The following RAD21L1 variants were observed in gnomAD, a reference collection of about 807,000 sequenced individuals.
The protein encoded by RAD21L1 is RAD21 cohesin complex component like 1.
RAD21L1 carries 47 observed loss-of-function variants against 69.0 expected under a neutral mutation model. That is an observed-to-expected ratio of 0.68 (90% CI 0.54 to 0.87). The LOEUF (loss-of-function observed/expected upper bound fraction) is 0.87, where lower values mean the gene tolerates loss of function less well. Among genes scored for constraint, RAD21L1 ranks in the 40% least tolerant of loss-of-function variants. The probability of loss-of-function intolerance (pLI) is 0.00; values close to 1 mark genes in which losing one functional copy is unlikely to be tolerated. For missense variants in RAD21L1, 583 were observed against 647.6 expected (o/e 0.90, Z 1.08); for synonymous variants, 177 against 205.8 (o/e 0.86, Z 1.20).
At chr20:1,227,294 CACAG>C (rs1968722639) in intron 1 of RAD21L1, among the ~76,000 whole-genome samples, 1 of 152,216 alleles carries the variant, frequency 6.6e-6, no homozygotes, top group South Asian at 2.1e-4. Context: ...GAGCGAAACA[CACAG>C]ACTAAAAAGG....
chr20:1,249,047 T>C (rs554673985), intron 13 of RAD21L1, among the ~76,000 whole-genome samples: 2 of 152,286 alleles, frequency 1.3e-5, no homozygotes, highest in East Asian at 1.9e-4. Flanking sequence ...ATTTAATTTA[T>C]ATTTTTATCA....
intron 13 of RAD21L1, among the ~76,000 whole-genome samples, chr20:1,252,858 A>G (rs986050628): frequency 2.0e-5 from 3 of 152,088 alleles, no homozygotes; most frequent in Admixed American, 2.0e-4. Flanking sequence ...TAAGTCAGTT[A>G]TGTCTTCCAC....
At chr20:1,232,782 G>A (rs1401533317) in intron 4 of RAD21L1, among the ~76,000 whole-genome samples, 1 of 152,120 alleles carries the variant, frequency 6.6e-6, no homozygotes, top group African/African-American at 2.4e-5. Flanking sequence ...AACCTTCAAG[G>A]TGATGGTATT....
At chr20:1,248,566 A>C in intron 12 of RAD21L1, 60 bp from the exon 13 acceptor site, 1 of 959,410 alleles carries the variant, frequency 1.0e-6, no homozygotes, top group Non-Finnish European at 1.6e-6. Flanking sequence ...TATGATGGGC[A>C]AATAGTCAGC....
chr20:1,226,731 A>G lies in RAD21L1; in HGVS notation c.-33+591A>G, dbSNP rs1426564816. Among the ~76,000 whole-genome samples, 5 of 152,282 alleles carry G rather than the reference A, an allele frequency of 3.3e-5. No individual in the cohort carries two copies. The South Asian group carries it at 8.3e-4, about 25-fold the overall frequency. ...AAGTCAGTTCAATCTGGAGACTGAA[A>G]AAGCCTCCGGGACGTGGGGCGGGAG... On this transcript the variant is annotated intron_variant, in intron 1 of 13. Coordinates refer to ENST00000683101, the MANE Select transcript of RAD21L1 (RefSeq NM_001384355.1).
In RAD21L1 at chr20:1,233,425, A is replaced by C. The variant is rs1442746010; in HGVS notation, c.369-660A>C. Among the ~76,000 whole-genome samples, 3 of 152,320 alleles carry C rather than the reference A, an allele frequency of 2.0e-5. No individual in the cohort carries two copies. In the South Asian group the frequency reaches 6.2e-4, roughly 32 times the overall value. On this transcript the variant is annotated intron_variant, in intron 4 of 13. Coordinates refer to ENST00000683101, the MANE Select transcript of RAD21L1 (RefSeq NM_001384355.1). ...GAGCAGGTAGGAAGAAAATCGAGAA[A>C]TAGTGATACCTCAGAGGCCAAGAGA... is the stretch of plus-strand genomic sequence containing the variant.
At chr20:1,245,357 C>A (rs1418837595) in intron 11 of RAD21L1, among the ~76,000 whole-genome samples, 3 of 152,006 alleles carry the variant, frequency 2.0e-5, no homozygotes, top group African/African-American at 7.2e-5. Context: ...ATATACCATA[C>A]CTGCAAAATT....
chr20:1,239,326 G>A lies in RAD21L1; in HGVS notation c.661G>A (p.Asp221Asn), dbSNP rs1345391511. Residue 221 changes from aspartate to asparagine, a missense_variant, in exon 7 of 14, where the codon GAT becomes AAT. Asp to Asn is a conservative substitution (Grantham distance 23). Transcript: ENST00000683101. ...AGEMIDNLLQ[D>N]DQNILLEDMH... ...TGTTTTTCAAGACAATCTATTGCAA[G>A]ATGATCAGAATATCCTGTTAGAAGA... 6.5e-7 allele frequency: 1 copy of A among 1,540,484 alleles called. No homozygotes were observed. The highest frequency in any genetic ancestry group is 2.5e-5 in the East Asian group (1 of 40,766).
In RAD21L1 at chr20:1,247,317, G is replaced by C. The variant is rs1209450924; in HGVS notation, c.1401+1012G>C. 2.0e-5 allele frequency among the ~76,000 whole-genome samples: 3 copies of C among 152,148 alleles called. No individual in the cohort carries two copies. In the East Asian group the frequency reaches 5.8e-4, roughly 29 times the overall value. ...GCAGAATGCACAGAGTATTTCTTCT[G>C]AGCCTTTCTCTGGTTAGTTTAGTTG... On this transcript the variant is annotated intron_variant, in intron 12 of 13. Transcript: ENST00000683101.
chr20:1,228,779 C>T (rs2087320874), intron 2 of RAD21L1, among the ~76,000 whole-genome samples, 182 bp downstream of exon 2: 1 of 152,160 alleles, frequency 6.6e-6, no homozygotes, highest in Non-Finnish European at 1.5e-5. Flanking sequence ...TGGTAATTAA[C>T]TTTTTCATAT....
Position 1,229,879 on chromosome 20 carries a change from G to A in RAD21L1, c.145-1G>A. 1 of 1,545,838 alleles carries A rather than the reference G, an allele frequency of 6.5e-7. No individual in the cohort carries two copies. The highest frequency in any genetic ancestry group is 2.5e-5 in the East Asian group (1 of 40,790). On this transcript the variant is annotated splice_acceptor_variant, in intron 2 of 13. Coordinates refer to ENST00000683101, the MANE Select transcript of RAD21L1 (RefSeq NM_001384355.1). LOFTEE classifies it high-confidence loss of function. Reference sequence around the variant, plus strand: ...TCTAATACTTCAAAAATTATTGAAAGGTGAAAATAGCACTTCGAACTTCAG... The same window carrying A: ...TCTAATACTTCAAAAATTATTGAAAAGTGAAAATAGCACTTCGAACTTCAG...
chr20:1,238,210 G>T lies in RAD21L1; in HGVS notation c.642G>T (p.Met214Ile). 6.6e-7 allele frequency: 1 copy of T among 1,509,380 alleles called. No homozygotes were observed. The highest frequency in any genetic ancestry group is 1.3e-5 in the South Asian group (1 of 75,944). The allele number at this position is 1,509,380 out of a possible 1,614,324, so 93.5% of individuals were successfully genotyped here. Reference protein sequence around the residue: ...GFGDEGAAGEMIDNLLQDDQN... With the variant: ...GFGDEGAAGEIIDNLLQDDQN... Reference sequence around the variant, plus strand: ...GAGATGAAGGAGCTGCAGGAGAAATGATTGGTATGCTATCTGGTCATGTGG... The same window carrying T: ...GAGATGAAGGAGCTGCAGGAGAAATTATTGGTATGCTATCTGGTCATGTGG... The change falls in exon 6 of 14, where the codon ATG (methionine) becomes ATT (isoleucine). Residue 214 changes from methionine (M) to isoleucine (I), a missense_variant. Met to Ile is a conservative substitution (Grantham distance 10). Transcript: ENST00000683101.
intron 4 of RAD21L1, among the ~76,000 whole-genome samples, chr20:1,233,680 C>T (rs2087439317): frequency 6.6e-6 from 1 of 152,144 alleles, no homozygotes; most frequent in Non-Finnish European, 1.5e-5. Context: ...GAGGCAGCTT[C>T]CTGGGGCCTC....
At chr20:1,230,333 A>G (rs752029233) in intron 3 of RAD21L1, 1 of 176,930 alleles carries the variant, frequency 5.7e-6, no homozygotes, top group Non-Finnish European at 1.1e-5. Context: ...TTTTGCCTTT[A>G]TAAGAGAAAT....
At chr20:1,234,236 T>A in intron 5 of RAD21L1, 45 bp downstream of exon 5, 1 of 869,268 alleles carries the variant, frequency 1.2e-6, no homozygotes, top group Non-Finnish European at 1.9e-6. Context: ...TAATCAATTA[T>A]ATTTGTATTT....
chr20:1,239,892 CAG>C (rs2087571689), intron 7 of RAD21L1, among the ~76,000 whole-genome samples: 4 of 152,088 alleles, frequency 2.6e-5, no homozygotes, highest in African/African-American at 9.7e-5. Context: ...CTAAAAACAA[CAG>C]TAGAAACTGA....
At chr20:1,240,207 G>A in intron 7 of RAD21L1, 114 bp from the exon 8 acceptor site, 5 of 1,394,474 alleles carry the variant, frequency 3.6e-6, no homozygotes, top group Non-Finnish European at 3.7e-6. Flanking sequence ...AGATGTTCCA[G>A]TTAGTAATAT....
At chr20:1,251,724 A>G (rs893137236) in intron 13 of RAD21L1, among the ~76,000 whole-genome samples, 2 of 151,736 alleles carry the variant, frequency 1.3e-5, no homozygotes, top group Admixed American at 1.3e-4. Flanking sequence ...TGTCTTCTAG[A>G]CTTTACTGAA....
In RAD21L1 at chr20:1,246,742, A is replaced by G. The variant is rs998792416; in HGVS notation, c.1401+437A>G. Among the ~76,000 whole-genome samples, 2 of 152,166 alleles carry G rather than the reference A, an allele frequency of 1.3e-5. No individual in the cohort carries two copies. The highest frequency in any genetic ancestry group is 4.8e-5 in the African/African-American group (2 of 41,448). ...ATTATGTGGCACAAGGCTTGTATCT[A>G]TACAAGGCTTCTGGAAATCTGAAAC... On this transcript the variant is annotated intron_variant, in intron 12 of 13. Coordinates refer to ENST00000683101, the MANE Select transcript of RAD21L1 (RefSeq NM_001384355.1). This position sits in a 1 kb window ranked among gnomAD's most constrained non-coding sequence, Gnocchi z 4.6.
Sources: allele counts gnomAD v4.1 joint callset (sites outside exome capture counted in the v4.1 genomes callset), GRCh38; gene constraint gnomAD v4.1.1; non-coding constraint Gnocchi (gnomAD v3.1); transcripts MANE v1.5; gene names NCBI Gene and HGNC (gene_info 2026-07-23, HGNC 2026-07-21).